CDK5R1: variants seen among roughly 807,000 people sequenced by gnomAD.
CDK5R1 encodes cyclin dependent kinase 5 regulatory subunit 1, also known as cyclin-dependent kinase 5 activator 1.
In CDK5R1, 1 loss-of-function variant was observed where a neutral mutation model predicts 19.0. The observed-to-expected ratio is 0.05, with a 90% CI of 0.02 to 0.25. CDK5R1 has a LOEUF of 0.25. CDK5R1 is among the 10% of genes least tolerant of loss of function. The probability of loss-of-function intolerance (pLI) is 1.00; values close to 1 mark genes in which losing one functional copy is unlikely to be tolerated. For missense variants in CDK5R1, 314 were observed against 401.0 expected, an observed-to-expected ratio of 0.78 and a Z score of 1.85; for synonymous variants, 225 against 187.7, an observed-to-expected ratio of 1.20 and a Z score of -1.62.
At position 32,490,596 on chromosome 17, in the gene CDK5R1, C is replaced by G. The variant is rs1481394942; in HGVS notation, c.*2052C>G. On this transcript the variant is annotated 3_prime_UTR_variant, in exon 2 of 2. Transcript: ENST00000313401. The stretch of plus-strand genomic sequence containing the variant: ...TGGTCATCAGTATTGTGTAAAGGAA[C>G]AACTGATATACTTGAGTGTGCAAGC... The G allele has an allele frequency of 1.8e-5, 3 of 167,038 alleles. No individual in the cohort carries two copies. The highest frequency in any genetic ancestry group is 4.4e-5 in the Non-Finnish European group (3 of 68,118). 10.3% of individuals were successfully genotyped at this position (167,038 alleles called of 1,614,324 possible). A position where few individuals can be genotyped will look rare whatever the true frequency, so the allele number is the denominator to read the frequency against.
Position 32,487,928 on chromosome 17 carries a change from C to A in CDK5R1, c.308C>A (p.Pro103Gln), listed in dbSNP as rs200504268. The A allele has an allele frequency of 5.0e-6, 8 of 1,613,418 alleles. No homozygotes were observed. Among genetic ancestry groups the A allele is most frequent in the Admixed American group, 1.7e-5 (1 of 60,016 alleles). ...ANLSTFAQPP[P>Q]AQPPAPPASQ... ...CTGTCCACATTCGCCCAGCCCCCAC[C>A]GGCCCAGCCGCCTGCACCCCCGGCC... The change falls in exon 2 of 2, where the codon CCG (proline) becomes CAG (glutamine). Residue 103 changes from proline (P) to glutamine (Q), a missense_variant. Physicochemically the swap from Pro to Gln is moderately conservative, Grantham distance 76. Transcript: ENST00000313401. The surrounding 1 kb of genome is among the most constrained non-coding windows in gnomAD (Gnocchi z 7.9).
chr17:32,490,195 G>A lies in CDK5R1; in HGVS notation c.*1651G>A, dbSNP rs962838086. On this transcript the variant is annotated 3_prime_UTR_variant, in exon 2 of 2. Transcript: ENST00000313401. ...TCAGATAATCGGTGCAGCGGTGGAAGGAGCCTGCGGCTGCTGGCACAGACT... is the reference window on the plus strand; with the variant it reads ...TCAGATAATCGGTGCAGCGGTGGAAAGAGCCTGCGGCTGCTGGCACAGACT... The A allele has an allele frequency of 3.0e-5, 5 of 167,096 alleles. No individual in the cohort carries two copies. Among genetic ancestry groups the A allele is most frequent in the African/African-American group, 1.2e-4 (5 of 41,448 alleles). The allele number at this position is 167,096 out of a possible 1,614,324, so 10.4% of individuals were successfully genotyped here.
In CDK5R1 at chr17:32,488,689, C is replaced by A. The variant is rs1908766743; in HGVS notation, c.*145C>A. ...TCTCTCCCTGGGGTTTTTTTCATCC[C>A]TGCCAAGAACTCTGGGCACTTTTGA... On this transcript the variant is annotated 3_prime_UTR_variant, in exon 2 of 2. Transcript: ENST00000313401. The A allele has an allele frequency of 1.4e-6, 2 of 1,440,700 alleles. No individual in the cohort carries two copies. The highest frequency in any genetic ancestry group is 2.8e-5 in the African/African-American group (2 of 70,324). The allele number at this position is 1,440,700 out of a possible 1,614,324, so 89.2% of individuals were successfully genotyped here.
Position 32,490,807 on chromosome 17 carries a change from A to G in CDK5R1, c.*2263A>G, listed in dbSNP as rs1908844278. ...ATGGCTGTGAAAATTACACCCATGC[A>G]CAGAACAAGCCACAGGAATAATAGT... On this transcript the variant is annotated 3_prime_UTR_variant, in exon 2 of 2. Transcript: ENST00000313401. 6.0e-6 allele frequency: 1 copy of G among 167,116 alleles called. No homozygotes were observed. Among genetic ancestry groups the G allele is most frequent in the African/African-American group, 2.4e-5 (1 of 41,478 alleles). The allele number at this position is 167,116 out of a possible 1,614,324, so 10.4% of individuals were successfully genotyped here.
rs530456608 is a variant in CDK5R1, at chr17:32,489,090, T to G, written c.*546T>G. The G allele has an allele frequency of 3.6e-5, 17 of 468,724 alleles. No individual in the cohort carries two copies. The East Asian group carries it at 4.9e-4, about 13-fold the overall frequency. The allele number at this position is 468,724 out of a possible 1,614,324, so 29.0% of individuals were successfully genotyped here. On this transcript the variant is annotated 3_prime_UTR_variant, in exon 2 of 2. Transcript: ENST00000313401. ...AGCTGAGCGGGTCTAGTGGAAAGAT[T>G]GTGTCTGGTCGTTTGACCACACACC...
chr17:32,488,675 G>C lies in CDK5R1; in HGVS notation c.*131G>C, dbSNP rs1266860714. On this transcript the variant is annotated 3_prime_UTR_variant, in exon 2 of 2. Transcript: ENST00000313401. ...CACCTTTCCCACAGTCTCTCCCTGGGGTTTTTTTCATCCCTGCCAAGAACT... is the reference window on the plus strand; with the variant it reads ...CACCTTTCCCACAGTCTCTCCCTGGCGTTTTTTTCATCCCTGCCAAGAACT... 6.7e-6 allele frequency: 10 copies of C among 1,500,482 alleles called. No homozygotes were observed. The highest frequency in any genetic ancestry group is 9.0e-6 in the Non-Finnish European group (10 of 1,105,750). The allele number at this position is 1,500,482 out of a possible 1,614,324, so 92.9% of individuals were successfully genotyped here.
chr17:32,488,590 G>A lies in CDK5R1; in HGVS notation c.*46G>A. The A allele has an allele frequency of 6.2e-7, 1 of 1,612,622 alleles. No homozygotes were observed. Among genetic ancestry groups the A allele is most frequent in the Non-Finnish European group, 8.5e-7 (1 of 1,179,544 alleles). ...GCTCAAGGATTCAATGCATTTTTAAGAATTTATTATTAAATCAGTTTTGTG... is the reference window on the plus strand; with the variant it reads ...GCTCAAGGATTCAATGCATTTTTAAAAATTTATTATTAAATCAGTTTTGTG... On this transcript the variant is annotated 3_prime_UTR_variant, in exon 2 of 2. Transcript: ENST00000313401.
Position 32,487,472 on chromosome 17 carries a change from C to G in CDK5R1, c.-145-4C>G, listed in dbSNP as rs1225235615. ...CTGGCGCTAAGAACCATCTTGTTTT[C>G]CAGGCAGATCCAAGGGGGCAGCACG... On this transcript the variant is annotated splice_polypyrimidine_tract_variant and splice_region_variant and intron_variant, in intron 1 of 1. Coordinates refer to ENST00000313401, the MANE Select transcript of CDK5R1 (RefSeq NM_003885.3). The surrounding 1 kb of genome is among the most constrained non-coding windows in gnomAD (Gnocchi z 7.9). 7 of 588,682 alleles carry G rather than the reference C, an allele frequency of 1.2e-5. No homozygotes were observed. The highest frequency in any genetic ancestry group is 1.8e-5 in the Non-Finnish European group (6 of 342,576). The allele number at this position is 588,682 out of a possible 1,614,324, so 36.5% of individuals were successfully genotyped here.
In CDK5R1 at chr17:32,489,789, G is replaced by A. The variant is rs1047526646; in HGVS notation, c.*1245G>A. 1 of 167,900 alleles carries A rather than the reference G, an allele frequency of 6.0e-6. No homozygotes were observed. Among genetic ancestry groups the A allele is most frequent in the Non-Finnish European group, 1.5e-5 (1 of 68,704 alleles). The allele number at this position is 167,900 out of a possible 1,614,324, so 10.4% of individuals were successfully genotyped here. A position where few individuals can be genotyped will look rare whatever the true frequency, so the allele number is the denominator to read the frequency against. ...TTCTTTCTAATTCTCCCGCATTGGT[G>A]GCTTGGGACTTGGGAGAGGGAGCAA... On this transcript the variant is annotated 3_prime_UTR_variant, in exon 2 of 2. Coordinates refer to ENST00000313401, the MANE Select transcript of CDK5R1 (RefSeq NM_003885.3).
At position 32,487,639 on chromosome 17, in the gene CDK5R1, C is replaced by G; in HGVS notation, c.19C>G (p.Leu7Val). Reference protein sequence around the residue: MGTVLSLSPSYRKATLF... With the variant: MGTVLSVSPSYRKATLF... ...CAGCACCATGGGCACGGTGCTGTCC[C>G]TGTCTCCCAGCTACCGGAAGGCCAC... Residue 7 changes from leucine (L) to valine (V), a missense_variant, in exon 2 of 2, where the codon CTG (leucine) becomes GTG (valine). By Grantham distance (32) the Leu-to-Val change is conservative. Coordinates refer to ENST00000313401, the MANE Select transcript of CDK5R1 (RefSeq NM_003885.3). The surrounding 1 kb of genome is among the most constrained non-coding windows in gnomAD (Gnocchi z 7.9). The G allele has an allele frequency of 2.5e-6, 4 of 1,613,254 alleles. No individual in the cohort carries two copies. The highest frequency in any genetic ancestry group is 2.5e-6 in the Non-Finnish European group (3 of 1,179,916).
In CDK5R1 at chr17:32,489,535, G is replaced by A. The variant is rs1271425587; in HGVS notation, c.*991G>A. The A allele has an allele frequency of 1.1e-5, 2 of 175,624 alleles. No homozygotes were observed. Among genetic ancestry groups the A allele is most frequent in the Admixed American group, 8.6e-5 (1 of 11,632 alleles). 10.9% of individuals were successfully genotyped at this position (175,624 alleles called of 1,614,324 possible). A position where few individuals can be genotyped will look rare whatever the true frequency, so the allele number is the denominator to read the frequency against. ...CGATGTGGTGACCCCACCCCCACCC[G>A]TTAATTTAAAGCTGTTTCTAAACAG... On this transcript the variant is annotated 3_prime_UTR_variant, in exon 2 of 2. Transcript: ENST00000313401.
Position 32,488,205 on chromosome 17 carries a change from C to T in CDK5R1, c.585C>T (p.Phe195=). The change falls in exon 2 of 2, where the codon TTC becomes TTT. Residue 195 remains phenylalanine, a synonymous_variant. Transcript: ENST00000313401. ...LLLQGWQDQG[F]ITPANVVFLY... ...TGCAGGGCTGGCAGGACCAGGGCTT[C>T]ATCACGCCGGCCAACGTGGTCTTCC... 6.2e-7 allele frequency: 1 copy of T among 1,613,936 alleles called. No individual in the cohort carries two copies. The highest frequency in any genetic ancestry group is 2.2e-5 in the East Asian group (1 of 44,892).
At position 32,487,892 on chromosome 17, in the gene CDK5R1, C is replaced by G. The variant is rs745689062; in HGVS notation, c.272C>G (p.Ser91Trp). 1.2e-6 allele frequency: 2 copies of G among 1,613,776 alleles called. No individual in the cohort carries two copies. The highest frequency in any genetic ancestry group is 1.7e-6 in the Non-Finnish European group (2 of 1,180,018). ...LNNENLKKSL[S>W]CANLSTFAQP... ...AATGAGAACCTGAAGAAGTCGCTGT[C>G]GTGCGCCAACCTGTCCACATTCGCC... Residue 91 changes from serine to tryptophan, a missense_variant, in exon 2 of 2, where the codon TCG becomes TGG. Ser to Trp is a radical substitution (Grantham distance 177). Transcript: ENST00000313401. This position sits in a 1 kb window ranked among gnomAD's most constrained non-coding sequence, Gnocchi z 7.9.
chr17:32,488,721 G>A lies in CDK5R1; in HGVS notation c.*177G>A, dbSNP rs1908767538. On this transcript the variant is annotated 3_prime_UTR_variant, in exon 2 of 2. Coordinates refer to ENST00000313401, the MANE Select transcript of CDK5R1 (RefSeq NM_003885.3). ...GAACTCTGGGCACTTTTGAACTCAC[G>A]AGCCTTGCGCAAAACCCAGAAGATG... 3 of 1,212,130 alleles carry A rather than the reference G, an allele frequency of 2.5e-6. No individual in the cohort carries two copies. Among genetic ancestry groups the A allele is most frequent in the Non-Finnish European group, 2.3e-6 (2 of 858,690 alleles). 75.1% of individuals were successfully genotyped at this position (1,212,130 alleles called of 1,614,324 possible). A position where few individuals can be genotyped will look rare whatever the true frequency, so the allele number is the denominator to read the frequency against.
chr17:32,488,999 G>C lies in CDK5R1; in HGVS notation c.*455G>C. ...TCCTGGAGCCAGCCACCCTAACTGA[G>C]CTGCCAGTGGGGTCGTGAGGCAAGA... On this transcript the variant is annotated 3_prime_UTR_variant, in exon 2 of 2. Coordinates refer to ENST00000313401, the MANE Select transcript of CDK5R1 (RefSeq NM_003885.3). The C allele has an allele frequency of 2.7e-6, 1 of 375,912 alleles. No individual in the cohort carries two copies. Among genetic ancestry groups the C allele is most frequent in the Non-Finnish European group, 5.5e-6 (1 of 183,074 alleles). The allele number at this position is 375,912 out of a possible 1,614,324, so 23.3% of individuals were successfully genotyped here. A position where few individuals can be genotyped will look rare whatever the true frequency, so the allele number is the denominator to read the frequency against.
chr17:32,487,689 C>T lies in CDK5R1; in HGVS notation c.69C>T (p.Thr23=), dbSNP rs1219899102. ...KATLFEDGAA[T]VGHYTAVQNS... Reference sequence around the variant, plus strand: ...CGCTGTTTGAGGATGGCGCGGCCACCGTGGGCCACTATACGGCCGTACAGA... The same window carrying T: ...CGCTGTTTGAGGATGGCGCGGCCACTGTGGGCCACTATACGGCCGTACAGA... The change falls in exon 2 of 2, where the codon ACC becomes ACT. Residue 23 remains threonine (T), a synonymous_variant. Coordinates refer to ENST00000313401, the MANE Select transcript of CDK5R1 (RefSeq NM_003885.3). The surrounding 1 kb of genome is among the most constrained non-coding windows in gnomAD (Gnocchi z 7.9). 3.7e-6 allele frequency: 6 copies of T among 1,613,606 alleles called. No homozygotes were observed. Among genetic ancestry groups the T allele is most frequent in the African/African-American group, 2.7e-5 (2 of 74,926 alleles).
rs9333299 is a variant in CDK5R1, at chr17:32,487,038, G to A, written c.-270G>A. The A allele has an allele frequency of 0.012, 1,892 of 155,020 alleles. 16 individuals carry two copies. The highest frequency in any genetic ancestry group is 0.018 in the Middle Eastern group (6 of 326). 9.6% of individuals were successfully genotyped at this position (155,020 alleles called of 1,614,324 possible). A position where few individuals can be genotyped will look rare whatever the true frequency, so the allele number is the denominator to read the frequency against. On this transcript the variant is annotated 5_prime_UTR_variant, in exon 1 of 2. Transcript: ENST00000313401. The surrounding 1 kb of genome is among the most constrained non-coding windows in gnomAD (Gnocchi z 7.9). ...CGCCGCCGCCGCCGCCGTCGCCGCC[G>A]CCGAGCGCGAGCCCAGCCGATCCCC...
rs1010497669 is a variant in CDK5R1 at position 32,489,455 on chromosome 17, G to T, written c.*911G>T. 2 of 373,940 alleles carry T rather than the reference G, an allele frequency of 5.3e-6. No homozygotes were observed. The highest frequency in any genetic ancestry group is 3.5e-5 in the Admixed American group (1 of 28,230). 23.2% of individuals were successfully genotyped at this position (373,940 alleles called of 1,614,324 possible). A position where few individuals can be genotyped will look rare whatever the true frequency, so the allele number is the denominator to read the frequency against. ...AGACCAAGCCGGTGCCCACCTAAGGGCTAAGGCCTCTTGCTGGTGCACATG... is the reference window on the plus strand; with the variant it reads ...AGACCAAGCCGGTGCCCACCTAAGGTCTAAGGCCTCTTGCTGGTGCACATG... On this transcript the variant is annotated 3_prime_UTR_variant, in exon 2 of 2. Transcript: ENST00000313401.
chr17:32,488,708 C>G lies in CDK5R1; in HGVS notation c.*164C>G. The G allele has an allele frequency of 1.5e-6, 2 of 1,313,810 alleles. No homozygotes were observed. The highest frequency in any genetic ancestry group is 1.3e-5 in the South Asian group (1 of 75,826). The allele number at this position is 1,313,810 out of a possible 1,614,324, so 81.4% of individuals were successfully genotyped here. ...TCATCCCTGCCAAGAACTCTGGGCA[C>G]TTTTGAACTCACGAGCCTTGCGCAA... is the stretch of plus-strand genomic sequence containing the variant. On this transcript the variant is annotated 3_prime_UTR_variant, in exon 2 of 2. Transcript: ENST00000313401.
Sources: gnomAD v4.1 joint callset for allele counts on GRCh38, gnomAD v4.1.1 for gene constraint, Gnocchi (gnomAD v3.1) non-coding constraint, MANE v1.5 for transcripts, NCBI Gene and HGNC (gene_info 2026-07-23, HGNC 2026-07-21) for gene names.